MPP4: variants seen among roughly 807,000 people sequenced by gnomAD.
MPP4 encodes MAGUK p55 subfamily member 4.
MPP4 carries 91 observed loss-of-function variants against 98.3 expected under a neutral mutation model. The ratio of observed to expected loss-of-function variants is 0.93; its 90% CI spans 0.78 to 1.10. MPP4 has a LOEUF of 1.10. Among genes scored for constraint, MPP4 ranks in the 50% least tolerant of loss-of-function variants. The pLI, the probability that MPP4 is intolerant of heterozygous loss-of-function variation, is 0.00. For missense variants in MPP4, 744 were observed against 792.9 expected (o/e 0.94, Z 0.74); for synonymous variants, 261 against 271.8 (o/e 0.96, Z 0.39).
At chr2:201,652,532 C>T (rs56225831) in intron 18 of MPP4, among the ~76,000 whole-genome samples, 4,663 of 152,314 alleles carry the variant, frequency 0.031, 99 homozygotes, top group Middle Eastern at 0.051. Context: ...TTTTAAAAGT[C>T]TATCATCACT....
At chr2:201,689,333 A>G (rs1688933745) in intron 4 of MPP4, among the ~76,000 whole-genome samples, 1 of 152,194 alleles carries the variant, frequency 6.6e-6, no homozygotes, top group African/African-American at 2.4e-5. Flanking sequence ...TCAAAAACAA[A>G]AAAGCAAAAC....
intron 18 of MPP4, among the ~76,000 whole-genome samples, chr2:201,654,297 A>G (rs567283664): frequency 3.4e-4 from 52 of 152,298 alleles, no homozygotes; most frequent in African/African-American, 1.2e-3. Flanking sequence ...TTTTTTAAAA[A>G]GCTGTGTATT....
chr2:201,679,360 C>A (rs1370638452), intron 10 of MPP4, among the ~76,000 whole-genome samples: 1 of 152,110 alleles, frequency 6.6e-6, no homozygotes, highest in Admixed American at 6.5e-5. Flanking sequence ...CTATGTTTAC[C>A]TAATCTGTTT....
chr2:201,658,966 G>A (rs975754071), intron 15 of MPP4, among the ~76,000 whole-genome samples: 6 of 152,016 alleles, frequency 3.9e-5, no homozygotes, highest in African/African-American at 9.6e-5. Flanking sequence ...GCACGATCTC[G>A]GCCACTGCAA....
chr2:201,660,396 A>C, intron 14 of MPP4, 50 bp from the exon 15 acceptor site: 1 of 1,601,668 alleles, frequency 6.2e-7, no homozygotes, highest in Non-Finnish European at 8.6e-7. Flanking sequence ...TTAAGCCTTT[A>C]AGAAGATCAT....
chr2:201,676,155 C>T (rs1288144479), intron 10 of MPP4, among the ~76,000 whole-genome samples: 3 of 152,218 alleles, frequency 2.0e-5, no homozygotes. Flanking sequence ...CTCCTGCCTC[C>T]AATTCCCTGG....
At chr2:201,663,636 A>G (rs1466845980) in intron 14 of MPP4, among the ~76,000 whole-genome samples, 2 of 152,202 alleles carry the variant, frequency 1.3e-5, no homozygotes, top group Non-Finnish European at 2.9e-5. Flanking sequence ...GGATCACCTG[A>G]GCCAAGGAAG....
At chr2:201,661,469 T>C (rs1385296736) in intron 14 of MPP4, 3 of 456,634 alleles carry the variant, frequency 6.6e-6, no homozygotes, top group Non-Finnish European at 1.3e-5. Context: ...CTCAGAGAGC[T>C]GGGTTCAGAA....
chr2:201,646,839 GTAAA>G (rs541110627), intron 21 of MPP4: 76 of 152,242 alleles, frequency 5.0e-4, no homozygotes, highest in African/African-American at 1.7e-3. Flanking sequence ...ATTTTGCCAG[GTAAA>G]TAAATTCTAG....
intron 12 of MPP4, among the ~76,000 whole-genome samples, chr2:201,666,909 G>A (rs1388439758): frequency 6.6e-6 from 1 of 152,060 alleles, no homozygotes; most frequent in African/African-American, 2.4e-5. Flanking sequence ...AAATGAAAAT[G>A]TATGATGTGG....
chr2:201,650,094 C>A lies in MPP4; in HGVS notation c.1453G>T (p.Glu485Ter). 1 of 1,577,072 alleles carries A rather than the reference C, an allele frequency of 6.3e-7. No homozygotes were observed. Residue 485 changes from glutamate to a stop codon, truncating the protein, a stop_gained, in exon 19 of 22, where the codon GAA becomes TAA. Coordinates refer to ENST00000409474, the MANE Select transcript of MPP4 (RefSeq NM_033066.3). LOFTEE classifies it high-confidence loss of function. ...TACCTGTGACTATATATGAGGTTTT[C>A]AAATGTTTCCTTGGACACATAGTGA... ...EYHYVSKETF[E>*]NLIYSHRMLE...
At chr2:201,649,394 TC>T (rs1197753671) in intron 20 of MPP4, among the ~76,000 whole-genome samples, 181 bp downstream of exon 20, 1 of 152,212 alleles carries the variant, frequency 6.6e-6, no homozygotes. Context: ...AAGACTTCTT[TC>T]CCAACTAAAA....
At chr2:201,674,359 G>A (rs566471016) in intron 11 of MPP4, among the ~76,000 whole-genome samples, 2 of 152,196 alleles carry the variant, frequency 1.3e-5, no homozygotes, top group Non-Finnish European at 2.9e-5. Context: ...ATCCAAAGAA[G>A]GAATGTCAAC....
chr2:201,647,548 C>A (rs1001614792), intron 21 of MPP4, 143 bp downstream of exon 21: 5 of 721,534 alleles, frequency 6.9e-6, no homozygotes, highest in Non-Finnish European at 1.1e-5. Flanking sequence ...CATAGTAAAC[C>A]ATTTTATTGA....
chr2:201,658,544 A>T (rs2105918115), intron 15 of MPP4, 26 bp from the exon 16 acceptor site: 3 of 1,595,006 alleles, frequency 1.9e-6, no homozygotes, highest in Non-Finnish European at 2.6e-6. Context: ...CAGATGGAGC[A>T]GAATATGTGA....
At chr2:201,653,867 A>G (rs1687784362) in intron 18 of MPP4, among the ~76,000 whole-genome samples, 2 of 152,184 alleles carry the variant, frequency 1.3e-5, no homozygotes, top group Admixed American at 1.3e-4. Flanking sequence ...ACACAACTCT[A>G]TATAGAGAAA....
At chr2:201,693,052 A>T in intron 2 of MPP4, 23 bp from the exon 3 acceptor site, 1 of 1,603,964 alleles carries the variant, frequency 6.2e-7, no homozygotes, top group South Asian at 1.1e-5. Context: ...GAGAGCAGAG[A>T]TGGGGTGGCA....
chr2:201,694,608 C>CTTTTTTTTTTTTTTTTTTT (rs777556505), intron 1 of MPP4, among the ~76,000 whole-genome samples: 1 of 78,870 alleles, frequency 1.3e-5, no homozygotes, highest in Non-Finnish European at 2.2e-5. Flanking sequence ...TTCTTTTTCC[C>CTTTTTTTTTTTTTTTTTTT]TTTTTTTTTT....
At chr2:201,687,865 G>A (rs1688884646) in intron 4 of MPP4, among the ~76,000 whole-genome samples, 1 of 152,174 alleles carries the variant, frequency 6.6e-6, no homozygotes. Flanking sequence ...CAGTTGATTA[G>A]CAATTTTAAT....
Sources: allele counts gnomAD v4.1 joint callset (sites outside exome capture counted in the v4.1 genomes callset), GRCh38; gene constraint gnomAD v4.1.1; transcripts MANE v1.5; gene names NCBI Gene and HGNC (gene_info 2026-07-23, HGNC 2026-07-21).